CCDC7: variants seen among roughly 807,000 people sequenced by gnomAD.
CCDC7 encodes the protein coiled-coil domain containing 7, also known as coiled-coil domain-containing protein 7.
Under a neutral mutation model 196.9 loss-of-function variants are expected in CCDC7, and 183 were observed. The ratio of observed to expected loss-of-function variants is 0.93; its 90% CI spans 0.82 to 1.05. The LOEUF (loss-of-function observed/expected upper bound fraction) is 1.05, where lower values mean the gene tolerates loss of function less well. Among genes scored for constraint, CCDC7 ranks in the 50% least tolerant of loss-of-function variants. The pLI is 0.00. For synonymous variants in CCDC7, 525 were observed against 484.6 expected (o/e 1.08, Z -1.10); for missense variants, 1,540 against 1,482.2 (o/e 1.04, Z -0.64).
At chr10:32,706,365 C>G (rs186102909) in intron 24 of CCDC7, among the ~76,000 whole-genome samples, 16 of 152,114 alleles carry the variant, frequency 1.1e-4, no homozygotes, top group Admixed American at 1.0e-3. Flanking sequence ...CAAGAGAAAG[C>G]AGGAAAGATC....
intron 24 of CCDC7, among the ~76,000 whole-genome samples, chr10:32,697,740 G>A (rs1004356098): frequency 2.0e-4 from 31 of 152,204 alleles, no homozygotes; most frequent in Non-Finnish European, 3.1e-4. Flanking sequence ...TCCACCTCTG[G>A]GGGCAGGGCA....
At chr10:32,844,956 A>G (rs184482805) in intron 33 of CCDC7, among the ~76,000 whole-genome samples, 48 of 151,966 alleles carry the variant, frequency 3.2e-4, no homozygotes, top group Non-Finnish European at 4.4e-5. Context: ...ACTAATAAGG[A>G]ACTCTTAGCA....
intron 18 of CCDC7, among the ~76,000 whole-genome samples, chr10:32,592,514 G>C (rs1449179736): frequency 1.3e-5 from 2 of 151,312 alleles, no homozygotes; most frequent in Admixed American, 6.6e-5. Flanking sequence ...ATAAGTTTTA[G>C]GTAAATTTTT....
chr10:32,831,406 A>T (rs575916471), intron 32 of CCDC7, among the ~76,000 whole-genome samples: 218 of 152,330 alleles, frequency 1.4e-3, no homozygotes, highest in Middle Eastern at 0.014. Context: ...AGGCTACATG[A>T]AATTTATTTT....
intron 30 of CCDC7, among the ~76,000 whole-genome samples, chr10:32,812,237 G>T (rs571374797): frequency 2.0e-5 from 3 of 151,816 alleles, no homozygotes; most frequent in African/African-American, 7.2e-5. Flanking sequence ...TAACAAAAAA[G>T]AAAATGACAA....
chr10:32,572,946 C>T (rs1006096762), intron 16 of CCDC7, among the ~76,000 whole-genome samples: 29 of 140,492 alleles, frequency 2.1e-4, no homozygotes, highest in African/African-American at 5.8e-4. Flanking sequence ...GGCATGATCT[C>T]GGCTCACTGC....
chr10:32,795,721 T>A (rs1490190844), intron 29 of CCDC7, among the ~76,000 whole-genome samples: 1 of 152,232 alleles, frequency 6.6e-6, no homozygotes, highest in Non-Finnish European at 1.5e-5. Flanking sequence ...GCTTAGAGAT[T>A]CTTTGCAATT....
intron 19 of CCDC7, 84 bp from the exon 21 acceptor site, chr10:32,634,973 A>G (rs2065399369): frequency 1.0e-5 from 4 of 396,178 alleles, no homozygotes; most frequent in Admixed American, 4.4e-5. Flanking sequence ...GTCCTATTCC[A>G]TTAATTTTAC....
At chr10:32,541,987 C>G (rs1222528609) in intron 11 of CCDC7, among the ~76,000 whole-genome samples, 1 of 152,226 alleles carries the variant, frequency 6.6e-6, no homozygotes, top group African/African-American at 2.4e-5. Flanking sequence ...CTCTGTTACC[C>G]TGCTGCCTTG....
intron 33 of CCDC7, among the ~76,000 whole-genome samples, chr10:32,837,833 C>G (rs1307921463): frequency 1.3e-5 from 2 of 150,854 alleles, no homozygotes; most frequent in African/African-American, 4.9e-5. Flanking sequence ...GGACAAAGTA[C>G]CAAACACCGC....
chr10:32,842,730 G>GGT (rs1465441334), intron 33 of CCDC7, among the ~76,000 whole-genome samples: 1 of 151,888 alleles, frequency 6.6e-6, no homozygotes, highest in African/African-American at 2.4e-5. Context: ...AAGAAAATGT[G>GGT]GTGTGTATAT....
intron 28 of CCDC7, among the ~76,000 whole-genome samples, chr10:32,756,788 G>C (rs1592405075): frequency 1.3e-5 from 2 of 152,162 alleles, no homozygotes; most frequent in African/African-American, 4.8e-5. Context: ...AAATGCCCCA[G>C]TTAAAAGACA....
At chr10:32,870,646 G>C (rs1454555699) in intron 41 of CCDC7, among the ~76,000 whole-genome samples, 1 of 152,112 alleles carries the variant, frequency 6.6e-6, no homozygotes, top group Admixed American at 6.6e-5. Flanking sequence ...GAATAGGAGT[G>C]ATGAGAGAGG....
At chr10:32,811,496 T>A (rs1281467118) in intron 30 of CCDC7, among the ~76,000 whole-genome samples, 7 of 151,996 alleles carry the variant, frequency 4.6e-5, no homozygotes, top group Admixed American at 4.6e-4. Context: ...TGCTGTTAGA[T>A]AAAAAGAATA....
chr10:32,717,659 A>C (rs1381087059), intron 25 of CCDC7, among the ~76,000 whole-genome samples: 1 of 152,180 alleles, frequency 6.6e-6, no homozygotes, highest in Non-Finnish European at 1.5e-5. Flanking sequence ...ACGAGAGAAG[A>C]ATCAAATAGA....
chr10:32,819,394 G>A (rs1157637171), intron 31 of CCDC7, among the ~76,000 whole-genome samples: 4 of 152,144 alleles, frequency 2.6e-5, no homozygotes, highest in African/African-American at 9.7e-5. Flanking sequence ...GTAAAAGGTG[G>A]AGCTGTTATG....
At chr10:32,461,691 A>ATGTGTGTG (rs200853278) in intron 3 of CCDC7, among the ~76,000 whole-genome samples, 3 of 106,472 alleles carry the variant, frequency 2.8e-5, no homozygotes, top group East Asian at 2.5e-4. Context: ...CCTTACATAT[A>ATGTGTGTG]TGTGTGTGTG....
intron 20 of CCDC7, among the ~76,000 whole-genome samples, chr10:32,656,662 G>A (rs1387749761): frequency 6.6e-6 from 1 of 152,130 alleles, no homozygotes; most frequent in Non-Finnish European, 1.5e-5. Flanking sequence ...GGGGATTATG[G>A]GAGCTACAAT....
intron 18 of CCDC7, among the ~76,000 whole-genome samples, chr10:32,625,743 G>T (rs2063958043): frequency 6.6e-6 from 1 of 152,016 alleles, no homozygotes; most frequent in South Asian, 2.1e-4. Context: ...CCCACCTGCA[G>T]CCTGTGCAGC....
Sources: allele counts gnomAD v4.1 joint callset (sites outside exome capture counted in the v4.1 genomes callset), GRCh38; gene constraint gnomAD v4.1.1; transcripts MANE v1.5; gene names NCBI Gene and HGNC (gene_info 2026-07-23, HGNC 2026-07-21).